The following TRPM1 variants were observed in gnomAD, a reference collection of about 807,000 sequenced individuals.
TRPM1 encodes TRPM1-203 APA Isoform, Intron 10.
In TRPM1, 113 loss-of-function variants were observed where a neutral mutation model predicts 149.4. The observed-to-expected ratio is 0.76, with a 90% confidence interval of 0.65 to 0.88. TRPM1 has a LOEUF of 0.88. Ranked by LOEUF, TRPM1 falls within the 40% of genes least tolerant of loss-of-function variation. The pLI, the probability that TRPM1 is intolerant of heterozygous loss-of-function variation, is 0.00. For synonymous variants in TRPM1, 741 were observed against 759.5 expected (o/e 0.98, Z 0.40); for missense variants, 1,976 against 2,038.7 (o/e 0.97, Z 0.59).
chr15:31,152,042 T>A (rs2036310024), intron 1 of TRPM1, among the ~76,000 whole-genome samples: 1 of 152,148 alleles, frequency 6.6e-6, no homozygotes, highest in African/African-American at 2.4e-5. Flanking sequence ...ATGTTGTCCC[T>A]AGGAAGACCT....
At chr15:31,160,755 A>G in intron 1 of TRPM1, 1 of 765,890 alleles carries the variant, frequency 1.3e-6, no homozygotes, top group Non-Finnish European at 2.1e-6. Context: ...CTGACGTGAG[A>G]GCTCTGAACA....
At chr15:31,017,025 C>T (rs2032386765) in intron 27 of TRPM1, among the ~76,000 whole-genome samples, 1 of 151,858 alleles carries the variant, frequency 6.6e-6, no homozygotes, top group Non-Finnish European at 1.5e-5. Flanking sequence ...AGAAAGTCGG[C>T]CGGTTGTGGT....
At chr15:31,161,070 C>T in exon 1 of TRPM1, 2 of 1,098,256 alleles carry the variant, frequency 1.8e-6, no homozygotes, top group South Asian at 2.7e-5. Context: ...CACTCGGCGG[C>T]AGCCCCACAC....
chr15:31,160,938 AG>A lies in TRPM1; in HGVS notation c.21del (p.Ser8ArgfsTer17). The A allele has an allele frequency of 1.3e-6, 2 of 1,535,540 alleles. No individual in the cohort carries two copies. The highest frequency in any genetic ancestry group is 1.7e-6 in the Non-Finnish European group (2 of 1,146,742). On this transcript the variant is annotated frameshift_variant, in exon 1 of 27. Coordinates refer to the TRPM1 transcript ENST00000542188. LOFTEE classifies it high-confidence loss of function. ...GACCCTGATGTGGAGCTCTTGAGCG[AG>A]CCCCGCTTGAAGGAGCTCATCTCTC...
At chr15:31,143,683 G>C (rs543950304) in intron 1 of TRPM1, among the ~76,000 whole-genome samples, 56 of 152,008 alleles carry the variant, frequency 3.7e-4, no homozygotes, top group Non-Finnish European at 3.4e-4. Flanking sequence ...AAAATGCTGG[G>C]ATTACAGGCA....
intron 27 of TRPM1, among the ~76,000 whole-genome samples, chr15:31,023,781 G>A (rs900695774): frequency 1.3e-5 from 2 of 152,218 alleles, no homozygotes; most frequent in South Asian, 2.1e-4. Flanking sequence ...CTAAGTGGGC[G>A]TGGTTGGTAG....
intron 27 of TRPM1, among the ~76,000 whole-genome samples, chr15:31,018,356 A>C (rs2032444084): frequency 6.8e-6 from 1 of 146,750 alleles, no homozygotes; most frequent in African/African-American, 2.5e-5. Context: ...TGGCCTTTTA[A>C]ATTTTAAATT....
intron 1 of TRPM1, among the ~76,000 whole-genome samples, chr15:31,129,890 A>G (rs2035995949): frequency 6.6e-6 from 1 of 152,196 alleles, no homozygotes; most frequent in Admixed American, 6.5e-5. Flanking sequence ...AAATTCAACC[A>G]GTGGCTGACT....
chr15:31,098,986 C>T (rs1384768437), intron 1 of TRPM1, among the ~76,000 whole-genome samples: 1 of 152,094 alleles, frequency 6.6e-6, no homozygotes, highest in Non-Finnish European at 1.5e-5. Context: ...ATGCATTTTT[C>T]CCCACTTAGC....
intron 14 of TRPM1, among the ~76,000 whole-genome samples, 188 bp downstream of exon 14, chr15:31,047,701 G>A (rs2033821277): frequency 6.6e-6 from 1 of 152,212 alleles, no homozygotes; most frequent in Non-Finnish European, 1.5e-5. Context: ...CATGGATTTG[G>A]ATGAACATGC....
intron 27 of TRPM1, among the ~76,000 whole-genome samples, chr15:31,008,522 C>A (rs559693720): frequency 6.6e-6 from 1 of 152,214 alleles, no homozygotes; most frequent in East Asian, 1.9e-4. Flanking sequence ...TTGACCTAGC[C>A]TTTTATTCCT....
chr15:31,118,000 C>T (rs1024020919), intron 1 of TRPM1, among the ~76,000 whole-genome samples: 1 of 152,182 alleles, frequency 6.6e-6, no homozygotes, highest in Non-Finnish European at 1.5e-5. Flanking sequence ...GTGGCTCACG[C>T]CTGTAATCCC....
chr15:31,065,388 G>A (rs3825950), intron 7 of TRPM1, among the ~76,000 whole-genome samples: 98,036 of 152,120 alleles, frequency 0.64, 31,794 homozygotes, highest in East Asian at 0.83. Flanking sequence ...AAAACAAACT[G>A]CTCTTTCAGA....
intron 1 of TRPM1, among the ~76,000 whole-genome samples, chr15:31,100,798 T>G (rs983639299): frequency 6.6e-6 from 1 of 152,236 alleles, no homozygotes; most frequent in South Asian, 2.1e-4. Context: ...TTTCATCCTA[T>G]GGACAGACCA....
intron 1 of TRPM1, among the ~76,000 whole-genome samples, chr15:31,136,948 C>G (rs1362015029): frequency 6.6e-6 from 1 of 152,164 alleles, no homozygotes; most frequent in Admixed American, 6.5e-5. Context: ...AGAGATCTGA[C>G]AACCCTGAGA....
At chr15:31,114,352 TTC>T (rs973097649) in intron 1 of TRPM1, among the ~76,000 whole-genome samples, 2 of 152,232 alleles carry the variant, frequency 1.3e-5, no homozygotes, top group African/African-American at 4.8e-5. Context: ...CATGATCTTG[TTC>T]TTTTTTATGG....
upstream of TRPM1, among the ~76,000 whole-genome samples, chr15:31,102,099 G>A (rs921232543): frequency 6.6e-6 from 1 of 152,248 alleles, no homozygotes; most frequent in Non-Finnish European, 1.5e-5. Flanking sequence ...CGGGGAGCTG[G>A]GAGAAGGCGG....
chr15:31,158,979 C>G (rs2036412264), intron 1 of TRPM1, among the ~76,000 whole-genome samples: 1 of 152,080 alleles, frequency 6.6e-6, no homozygotes, highest in Non-Finnish European at 1.5e-5. Flanking sequence ...GCCTAACTTT[C>G]TGAGAATGCA....
intron 1 of TRPM1, among the ~76,000 whole-genome samples, chr15:31,149,514 ATC>A (rs200346202): frequency 0.012 from 1,784 of 142,996 alleles, 179 homozygotes; most frequent in Middle Eastern, 0.018. Flanking sequence ...CGTCATGTGC[ATC>A]TCTCTCTCTC....
Sources: allele counts gnomAD v4.1 joint callset (sites outside exome capture counted in the v4.1 genomes callset), GRCh38; gene constraint gnomAD v4.1.1; transcripts MANE v1.5; gene names NCBI Gene and HGNC (gene_info 2026-07-23, HGNC 2026-07-21).